Variants in PSEN1 observed in about 807,000 individuals in gnomAD.
PSEN1 encodes presenilin-1.
PSEN1 carries 15 observed loss-of-function variants against 53.5 expected under a neutral mutation model. The ratio of observed to expected loss-of-function variants is 0.28; its 90% CI spans 0.19 to 0.43. The LOEUF (loss-of-function observed/expected upper bound fraction) is 0.43, where lower values mean the gene tolerates loss of function less well. Ranked by LOEUF, PSEN1 falls within the 20% of genes least tolerant of loss-of-function variation. The probability of loss-of-function intolerance (pLI) is 1.00; values close to 1 mark genes in which losing one functional copy is unlikely to be tolerated. For missense variants in PSEN1, 387 were observed against 571.2 expected, an observed-to-expected ratio of 0.68 and a Z score of 3.29; for synonymous variants, 208 against 209.8, an observed-to-expected ratio of 0.99 and a Z score of 0.08.
intron 5 of PSEN1, among the ~76,000 whole-genome samples, chr14:73,174,856 C>T (rs1897999656): frequency 6.6e-6 from 1 of 152,164 alleles, no homozygotes; most frequent in South Asian, 2.1e-4. Context: ...CCACCCTTCT[C>T]AGCCTCTCCT....
Position 73,147,843 on chromosome 14 carries a change from C to G in PSEN1, c.-87C>G. 1.6e-6 allele frequency: 1 copy of G among 631,338 alleles called. No homozygotes were observed. The highest frequency in any genetic ancestry group is 2.8e-5 in the East Asian group (1 of 35,250). The allele number at this position is 631,338 out of a possible 1,614,324, so 39.1% of individuals were successfully genotyped here. A position where few individuals can be genotyped will look rare whatever the true frequency, so the allele number is the denominator to read the frequency against. On this transcript the variant is annotated 5_prime_UTR_variant, in exon 2 of 12. Coordinates refer to ENST00000324501, the MANE Select transcript of PSEN1 (RefSeq NM_000021.4). ...GACAACAGCCTTTGCGGTCCTTAGACAGCTTGGCCTGGAGGAGAACACATG... is the reference window on the plus strand; with the variant it reads ...GACAACAGCCTTTGCGGTCCTTAGAGAGCTTGGCCTGGAGGAGAACACATG...
At chr14:73,184,993 A>G (rs1016455343) in intron 5 of PSEN1, among the ~76,000 whole-genome samples, 12 of 142,014 alleles carry the variant, frequency 8.4e-5, no homozygotes, top group Non-Finnish European at 1.7e-4. Flanking sequence ...GGCGCTCCCC[A>G]CATCTCAGAC....
intron 1 of PSEN1, among the ~76,000 whole-genome samples, chr14:73,140,255 G>A (rs1372050492): frequency 7.4e-6 from 1 of 135,222 alleles, no homozygotes; most frequent in Non-Finnish European, 1.5e-5. Context: ...CTGTCGCCCA[G>A]GCTGGAGTGC....
At chr14:73,179,300 C>T (rs1168476898) in intron 5 of PSEN1, among the ~76,000 whole-genome samples, 1 of 152,080 alleles carries the variant, frequency 6.6e-6, no homozygotes, top group East Asian at 1.9e-4. Context: ...TGTGTGAGGA[C>T]TGGGCATACG....
chr14:73,160,170 G>A, intron 3 of PSEN1: 1 of 165,172 alleles, frequency 6.1e-6, no homozygotes, highest in Non-Finnish European at 1.4e-5. Flanking sequence ...TTCTCTTTTA[G>A]TGACTTGCTT....
chr14:73,141,192 C>G (rs1192613527), intron 1 of PSEN1, among the ~76,000 whole-genome samples: 1 of 152,174 alleles, frequency 6.6e-6, no homozygotes, highest in Non-Finnish European at 1.5e-5. Context: ...AGAGCCAAGC[C>G]TATAACATCA....
At chr14:73,186,948 T>A in intron 6 of PSEN1, 28 bp downstream of exon 6, 1 of 1,539,322 alleles carries the variant, frequency 6.5e-7, no homozygotes, top group Non-Finnish European at 9.0e-7. Context: ...TGGTCTGTCT[T>A]TCAGAATTAA....
At chr14:73,208,491 G>A (rs1398539500) in intron 9 of PSEN1, among the ~76,000 whole-genome samples, 1 of 151,858 alleles carries the variant, frequency 6.6e-6, no homozygotes, top group African/African-American at 2.4e-5. Flanking sequence ...ATCCTCAGTG[G>A]AGAGGAGACC....
At chr14:73,182,621 A>G (rs1332522434) in intron 5 of PSEN1, among the ~76,000 whole-genome samples, 7 of 152,200 alleles carry the variant, frequency 4.6e-5, no homozygotes, top group African/African-American at 1.7e-4. Flanking sequence ...AGGAGGGTGG[A>G]TCACTTGAGA....
intron 11 of PSEN1, among the ~76,000 whole-genome samples, chr14:73,217,870 C>CA (rs1899981358): frequency 6.8e-6 from 1 of 147,120 alleles, no homozygotes; most frequent in African/African-American, 2.5e-5. Context: ...CTCATTGCAA[C>CA]CTCTGCCTCC....
chr14:73,148,046 C>G lies in PSEN1; in HGVS notation c.27C>G (p.Ser9=). 1 of 1,613,956 alleles carries G rather than the reference C, an allele frequency of 6.2e-7. No homozygotes were observed. The highest frequency in any genetic ancestry group is 1.1e-5 in the South Asian group (1 of 91,078). Residue 9 remains serine, a synonymous_variant, in exon 3 of 12, where the codon TCC becomes TCG. Coordinates refer to ENST00000324501, the MANE Select transcript of PSEN1 (RefSeq NM_000021.4). ...TGACAGAGTTACCTGCACCGTTGTCCTACTTCCAGAATGCACAGATGTCTG... is the reference window on the plus strand; with the variant it reads ...TGACAGAGTTACCTGCACCGTTGTCGTACTTCCAGAATGCACAGATGTCTG... MTELPAPL[S]YFQNAQMSED...
At chr14:73,184,589 C>T (rs1306382669) in intron 5 of PSEN1, among the ~76,000 whole-genome samples, 119 of 122,494 alleles carry the variant, frequency 9.7e-4, no homozygotes, top group African/African-American at 3.4e-3. Context: ...CCAGTAGGGG[C>T]GGCCGGGCAG....
chr14:73,153,241 G>T (rs999580216), intron 3 of PSEN1, among the ~76,000 whole-genome samples: 4 of 152,180 alleles, frequency 2.6e-5, no homozygotes, highest in Admixed American at 2.0e-4. Context: ...AGGCAAAAAA[G>T]AACTTGAAAT....
chr14:73,142,393 G>A (rs964969342), intron 1 of PSEN1, among the ~76,000 whole-genome samples: 1 of 152,220 alleles, frequency 6.6e-6, no homozygotes, highest in African/African-American at 2.4e-5. Context: ...TAGTCAAGTA[G>A]CTTAGAGACA....
chr14:73,213,152 A>G (rs575046416), intron 10 of PSEN1, among the ~76,000 whole-genome samples: 147 of 152,280 alleles, frequency 9.7e-4, no homozygotes, highest in Non-Finnish European at 1.8e-3. Flanking sequence ...ACTCCTGGAA[A>G]AGTAGACGTA....
intron 9 of PSEN1, among the ~76,000 whole-genome samples, chr14:73,206,978 G>A (rs1899481073): frequency 6.6e-6 from 1 of 152,140 alleles, no homozygotes; most frequent in African/African-American, 2.4e-5. Context: ...TGTATACTGA[G>A]AAGATCAAAT....
chr14:73,203,656 C>T (rs1015997672), intron 8 of PSEN1, among the ~76,000 whole-genome samples: 1 of 152,116 alleles, frequency 6.6e-6, no homozygotes, highest in Non-Finnish European at 1.5e-5. Flanking sequence ...AATGTATGAG[C>T]ATTTTTGTTT....
At chr14:73,165,077 C>A (rs998502771) in intron 3 of PSEN1, among the ~76,000 whole-genome samples, 3 of 152,088 alleles carry the variant, frequency 2.0e-5, no homozygotes, top group African/African-American at 7.2e-5. Flanking sequence ...CTGCCTCAGC[C>A]TCCCAAGTAG....
chr14:73,198,192 A>C (rs1194512218), intron 8 of PSEN1, 63 bp downstream of exon 8: 5 of 942,046 alleles, frequency 5.3e-6, no homozygotes, highest in Admixed American at 1.9e-5. Flanking sequence ...ACTGAAGCAC[A>C]TGTAACTATG....
Sources: allele counts gnomAD v4.1 joint callset (sites outside exome capture counted in the v4.1 genomes callset), GRCh38; gene constraint gnomAD v4.1.1; transcripts MANE v1.5; gene names NCBI Gene and HGNC (gene_info 2026-07-23, HGNC 2026-07-21).